Variants in GNAQ observed in about 807,000 individuals in gnomAD.
GNAQ encodes the protein G protein subunit alpha q, also known as guanine nucleotide-binding protein G(q) subunit alpha.
GNAQ carries 8 observed loss-of-function variants against 43.9 expected under a neutral mutation model. That is an observed-to-expected ratio of 0.18 (90% CI 0.11 to 0.33). The LOEUF is 0.33. GNAQ is among the 10% of genes least tolerant of loss of function. The pLI is 1.00. For missense variants in GNAQ, 158 were observed against 450.8 expected (o/e 0.35, Z 5.88); for synonymous variants, 155 against 170.7 (o/e 0.91, Z 0.71).
chr9:77,762,618 C>T (rs1001943663), intron 5 of GNAQ, among the ~76,000 whole-genome samples: 3 of 150,778 alleles, frequency 2.0e-5, no homozygotes, highest in South Asian at 2.1e-4. Context: ...CCATTGAGAA[C>T]GGGCCATGAT....
intron 5 of GNAQ, among the ~76,000 whole-genome samples, chr9:77,769,623 AC>A (rs1316746021): frequency 6.6e-6 from 1 of 151,904 alleles, no homozygotes; most frequent in Non-Finnish European, 1.5e-5. Context: ...AATAATTCCA[AC>A]AAGAATGACC....
At chr9:78,013,172 C>T (rs992251483) in intron 1 of GNAQ, among the ~76,000 whole-genome samples, 4 of 152,170 alleles carry the variant, frequency 2.6e-5, no homozygotes, top group African/African-American at 9.6e-5. Flanking sequence ...ACCTCTCCTT[C>T]CATCTGACAC....
At chr9:77,788,279 G>A (rs1014792263) in intron 5 of GNAQ, among the ~76,000 whole-genome samples, 1 of 152,134 alleles carries the variant, frequency 6.6e-6, no homozygotes, top group Non-Finnish European at 1.5e-5. Flanking sequence ...TAAGGAGCAT[G>A]TGAAACACAG....
intron 2 of GNAQ, among the ~76,000 whole-genome samples, chr9:77,847,519 G>A (rs753214031): frequency 5.3e-5 from 8 of 152,186 alleles, no homozygotes; most frequent in Non-Finnish European, 1.0e-4. Flanking sequence ...GGAAGGGTGG[G>A]TAGTATAATT....
At chr9:77,962,892 CA>C (rs538653191) in intron 1 of GNAQ, among the ~76,000 whole-genome samples, 11,139 of 55,612 alleles carry the variant, frequency 0.2, 239 homozygotes, top group East Asian at 0.33. Context: ...AACTTAGTCT[CA>C]AAAAAAAAAA....
At chr9:77,978,254 C>T (rs1177248713) in intron 1 of GNAQ, among the ~76,000 whole-genome samples, 2 of 152,180 alleles carry the variant, frequency 1.3e-5, no homozygotes, top group South Asian at 2.1e-4. Flanking sequence ...TACCGCCTCC[C>T]CCGTATCTAA....
At chr9:77,929,666 A>G (rs1186445850) in intron 1 of GNAQ, among the ~76,000 whole-genome samples, 1 of 151,962 alleles carries the variant, frequency 6.6e-6, no homozygotes, top group Non-Finnish European at 1.5e-5. Context: ...CCCTGTCTCT[A>G]CTAAAAATAC....
chr9:77,993,658 GGCCACTGCACTCCAGCATGGGCAACAGA>G (rs1019891608), intron 1 of GNAQ, among the ~76,000 whole-genome samples: 6 of 151,658 alleles, frequency 4.0e-5, no homozygotes, highest in African/African-American at 1.5e-4. Context: ...ACCAAGATTG[GGCCACTGCACTCCAGCATGGGCAACAGA>G]GCAAGACTCC....
At chr9:77,995,504 T>C (rs1823557617) in intron 1 of GNAQ, among the ~76,000 whole-genome samples, 1 of 152,088 alleles carries the variant, frequency 6.6e-6, no homozygotes, top group Admixed American at 6.5e-5. Context: ...ATATATATTT[T>C]TTCCTTCCAG....
intron 2 of GNAQ, among the ~76,000 whole-genome samples, chr9:77,834,029 G>C (rs982963969): frequency 2.0e-5 from 3 of 152,108 alleles, no homozygotes; most frequent in African/African-American, 7.2e-5. Context: ...GCTAGAAATT[G>C]GGTATTGTGT....
rs1240267486 is a variant in GNAQ at position 77,815,784 on chromosome 9, A to G, written c.322-14T>C. The G allele has an allele frequency of 6.2e-7, 1 of 1,603,122 alleles. No individual in the cohort carries two copies. The highest frequency in any genetic ancestry group is 1.7e-5 in the Admixed American group (1 of 58,530). On this transcript the variant is annotated splice_polypyrimidine_tract_variant and intron_variant, in intron 2 of 6. Transcript: ENST00000286548. ...TTGTGCATGAGCCTGTTTAAATAAA[A>G]AAAGGCAGTTTTAATACCCTATTAC... is the stretch of plus-strand genomic sequence containing the variant.
chr9:77,831,800 A>G (rs1827301773), intron 2 of GNAQ, among the ~76,000 whole-genome samples: 1 of 152,236 alleles, frequency 6.6e-6, no homozygotes, highest in Non-Finnish European at 1.5e-5. Flanking sequence ...CCTTAAATGA[A>G]AATCTTTAAA....
intron 5 of GNAQ, among the ~76,000 whole-genome samples, chr9:77,767,823 G>C (rs1164654859): frequency 1.3e-5 from 2 of 152,168 alleles, no homozygotes; most frequent in East Asian, 3.9e-4. Flanking sequence ...AAATCTTGAA[G>C]TCATGGTGCC....
intron 5 of GNAQ, among the ~76,000 whole-genome samples, chr9:77,759,933 CTTTTTT>C (rs970000569): frequency 6.1e-5 from 8 of 131,838 alleles, no homozygotes; most frequent in Non-Finnish European, 1.2e-4. Context: ...TTTTCTTTTT[CTTTTTT>C]TTTTGAGACA....
intron 2 of GNAQ, among the ~76,000 whole-genome samples, chr9:77,921,399 TA>T (rs1309401187): frequency 6.6e-6 from 1 of 152,242 alleles, no homozygotes; most frequent in African/African-American, 2.4e-5. Flanking sequence ...CACTCAGGTA[TA>T]CCAATCTTGT....
chr9:77,779,188 A>T (rs961300062), intron 5 of GNAQ, among the ~76,000 whole-genome samples: 2 of 151,960 alleles, frequency 1.3e-5, no homozygotes, highest in African/African-American at 4.8e-5. Flanking sequence ...CACCTTAACA[A>T]ATTTAAAAGA....
chr9:77,986,105 C>G (rs1189301526), intron 1 of GNAQ, among the ~76,000 whole-genome samples: 1 of 152,132 alleles, frequency 6.6e-6, no homozygotes, highest in East Asian at 1.9e-4. Context: ...AGTCCCACAT[C>G]AATATTTGTT....
At chr9:77,887,770 T>A (rs1828334182) in intron 2 of GNAQ, among the ~76,000 whole-genome samples, 1 of 152,254 alleles carries the variant, frequency 6.6e-6, no homozygotes, top group African/African-American at 2.4e-5. Context: ...ACATATCACA[T>A]GCTACATATA....
chr9:77,778,112 TAAAA>T (rs1321069033), intron 5 of GNAQ, among the ~76,000 whole-genome samples: 1 of 151,974 alleles, frequency 6.6e-6, no homozygotes, highest in East Asian at 1.9e-4. Context: ...TGAAGGTAAA[TAAAA>T]ACTTTTATTT....
Sources: gnomAD v4.1 joint callset for allele counts (sites outside exome capture counted in the v4.1 genomes callset) on GRCh38, gnomAD v4.1.1 for gene constraint, MANE v1.5 for transcripts, NCBI Gene and HGNC (gene_info 2026-07-23, HGNC 2026-07-21) for gene names.